MELK: variants seen among roughly 807,000 people sequenced by gnomAD.
MELK encodes the protein pEg3 kinase.
In MELK, 81 loss-of-function variants were observed where a neutral mutation model predicts 85.0. The observed-to-expected ratio is 0.95, with a 90% CI of 0.80 to 1.15. MELK has a LOEUF of 1.15. MELK is among the 50% of genes most tolerant of loss of function. The probability of loss-of-function intolerance (pLI) is 0.00; values close to 1 mark genes in which losing one functional copy is unlikely to be tolerated. For missense variants in MELK, 754 were observed against 777.5 expected (o/e 0.97, Z 0.36); for synonymous variants, 252 against 265.0 (o/e 0.95, Z 0.48).
At chr9:36,598,586 G>A (rs1442380773) in intron 6 of MELK, among the ~76,000 whole-genome samples, 1 of 152,070 alleles carries the variant, frequency 6.6e-6, no homozygotes, top group Non-Finnish European at 1.5e-5. Context: ...GGAAGCTAAG[G>A]GAGTGATTTA....
chr9:36,598,360 G>C (rs1006971819), intron 6 of MELK, among the ~76,000 whole-genome samples: 2 of 152,164 alleles, frequency 1.3e-5, no homozygotes, highest in African/African-American at 4.8e-5. Context: ...TAAGGAAAGT[G>C]GGGTTGCCTG....
rs775226736 is a variant in MELK, at chr9:36,643,042, C to T, written c.880C>T (p.His294Tyr). ...DDCVTELSVHHRNNRQTMEDL... is the reference protein window; with the variant it reads ...DDCVTELSVHYRNNRQTMEDL... ...TTGCGTAACAGAACTTTCTGTACAT[C>T]ACAGAAACAACAGGCAAACAATGGA... Residue 294 changes from histidine to tyrosine, a missense_variant, in exon 11 of 18, where the codon CAC (histidine) becomes TAC (tyrosine). By Grantham distance (83) the His-to-Tyr change is moderately conservative. Coordinates refer to ENST00000298048, the MANE Select transcript of MELK (RefSeq NM_014791.4). 9.3e-6 allele frequency: 15 copies of T among 1,612,724 alleles called. 1 individual carries two copies. In the South Asian group the frequency reaches 1.7e-4, roughly 18 times the overall value.
chr9:36,584,227 A>G (rs1822590145), intron 3 of MELK, among the ~76,000 whole-genome samples: 3 of 150,592 alleles, frequency 2.0e-5, no homozygotes, highest in South Asian at 4.2e-4. Flanking sequence ...GGATGGTCTC[A>G]ATCTCCTGAC....
chr9:36,573,991 TG>T (rs1307810323), intron 1 of MELK, among the ~76,000 whole-genome samples: 4 of 152,084 alleles, frequency 2.6e-5, no homozygotes, highest in East Asian at 3.9e-4. Context: ...CCTTTGTTAG[TG>T]GAATGAGGTG....
At chr9:36,676,432 TGAA>T in intron 17 of MELK, among the ~76,000 whole-genome samples, 1 of 152,312 alleles carries the variant, frequency 6.6e-6, no homozygotes, top group East Asian at 1.9e-4. Flanking sequence ...TATTATTACA[TGAA>T]TTAAATTTAT....
intron 11 of MELK, 77 bp from the exon 12 acceptor site, chr9:36,651,667 GAA>G: frequency 6.6e-7 from 1 of 1,523,674 alleles, no homozygotes; most frequent in South Asian, 1.3e-5. Context: ...TTACACTGAA[GAA>G]AAAAATTAAT....
At chr9:36,643,426 A>G (rs1305317058) in intron 11 of MELK, among the ~76,000 whole-genome samples, 2 of 152,116 alleles carry the variant, frequency 1.3e-5, no homozygotes, top group African/African-American at 4.8e-5. Flanking sequence ...ATTTGAGAGT[A>G]GTATCTTTTG....
chr9:36,669,005 T>C (rs1307645818), intron 14 of MELK, among the ~76,000 whole-genome samples: 3 of 152,124 alleles, frequency 2.0e-5, no homozygotes, highest in Admixed American at 6.5e-5. Flanking sequence ...AATTATGAGA[T>C]TTGTATTTAT....
rs543835795 is a variant in MELK at position 36,573,918 on chromosome 9, G to A, written c.-39+911G>A. ...AGCTGGAAAGGGTAGACTCAGGGAA[G>A]GCTGCCCAAGAGAGGAATCAGGTCC... On this transcript the variant is annotated intron_variant, in intron 1 of 17. Transcript: ENST00000298048. Among the ~76,000 whole-genome samples the A allele has an allele frequency of 3.9e-5, 6 of 152,246 alleles. No individual in the cohort carries two copies. In the East Asian group the frequency reaches 9.7e-4, roughly 25 times the overall value.
chr9:36,637,093 A>C (rs913872829), intron 10 of MELK, among the ~76,000 whole-genome samples: 3 of 151,074 alleles, frequency 2.0e-5, no homozygotes, highest in African/African-American at 7.4e-5. Flanking sequence ...CGGCCTCCCA[A>C]AGTGCTGGGA....
rs12005944 is a variant in MELK, at chr9:36,631,615, G to A, written c.735+1248G>A. Among the ~76,000 whole-genome samples, 777 of 151,840 alleles carry A rather than the reference G, an allele frequency of 5.1e-3. 6 individuals carry two copies. Among genetic ancestry groups the A allele is most frequent in the African/African-American group, 0.017 (707 of 41,384 alleles). ...TTTATAGACAGGGTTTTACTCTGTCGCCCAGGCTGGAGTGCAGTCATATGA... is the reference window on the plus strand; with the variant it reads ...TTTATAGACAGGGTTTTACTCTGTCACCCAGGCTGGAGTGCAGTCATATGA... On this transcript the variant is annotated intron_variant, in intron 9 of 17. Coordinates refer to ENST00000298048, the MANE Select transcript of MELK (RefSeq NM_014791.4).
intron 3 of MELK, among the ~76,000 whole-genome samples, chr9:36,587,578 G>A (rs1823053091): frequency 6.6e-6 from 1 of 150,522 alleles, no homozygotes; most frequent in African/African-American, 2.4e-5. Context: ...GCCTCCCAAA[G>A]TGCTGGGATT....
At position 36,606,385 on chromosome 9, in the gene MELK, ATAATATATACATATGTATAGGTGTGTG is replaced by A. The variant is rs1362344075; in HGVS notation, c.568-1187_568-1161del. Among the ~76,000 whole-genome samples the A allele has an allele frequency of 2.7e-4, 33 of 123,232 alleles. 1 individual carries two copies. Among genetic ancestry groups the A allele is most frequent in the African/African-American group, 2.0e-4 (5 of 25,542 alleles). 80.8% of individuals were successfully genotyped at this position (123,232 alleles called of 152,430 possible). A position where few individuals can be genotyped will look rare whatever the true frequency, so the allele number is the denominator to read the frequency against. On this transcript the variant is annotated intron_variant, in intron 7 of 17. Transcript: ENST00000298048. ...TATATACATATGTATAGGTGTGTATATAATATATACATATGTATAGGTGTGTGTATATATATACATATGTATAGGTGT... is the reference window on the plus strand; with the variant it reads ...TATATACATATGTATAGGTGTGTATATATATATATACATATGTATAGGTGT...
intron 12 of MELK, among the ~76,000 whole-genome samples, chr9:36,652,984 C>A (rs1029447765): frequency 2.6e-5 from 4 of 151,756 alleles, no homozygotes; most frequent in African/African-American, 9.7e-5. Context: ...TGACATGAAA[C>A]ATTTTGATAA....
chr9:36,597,346 T>C, intron 6 of MELK, 56 bp downstream of exon 6: 1 of 1,460,828 alleles, frequency 6.8e-7, no homozygotes, highest in Non-Finnish European at 9.5e-7. Context: ...TATTTCTTAG[T>C]GTGTGATTTT....
intron 11 of MELK, among the ~76,000 whole-genome samples, chr9:36,650,172 T>C (rs1830577684): frequency 6.6e-6 from 1 of 151,878 alleles, no homozygotes; most frequent in South Asian, 2.1e-4. Flanking sequence ...CTCGATCTCC[T>C]GACCTCGTGA....
rs751324243 is a variant in MELK, at chr9:36,589,614, G to A, written c.223G>A (p.Val75Met). 3 of 1,613,748 alleles carry A rather than the reference G, an allele frequency of 1.9e-6. No homozygotes were observed. In the Admixed American group the frequency reaches 5.0e-5, roughly 27 times the overall value. The change falls in exon 4 of 18, where the codon GTG becomes ATG. Residue 75 changes from valine (V) to methionine (M), a missense_variant. By Grantham distance (21) the Val-to-Met change is conservative. Transcript: ENST00000298048. The part of the protein sequence containing the change: ...RHQHICQLYH[V>M]LETANKIFMV... ...TCAGCATATATGTCAACTCTACCATGTGCTAGAGACAGCCAACAAAATATT... is the reference window on the plus strand; with the variant it reads ...TCAGCATATATGTCAACTCTACCATATGCTAGAGACAGCCAACAAAATATT...
chr9:36,579,872 C>T (rs2134895647), intron 1 of MELK, among the ~76,000 whole-genome samples: 1 of 152,172 alleles, frequency 6.6e-6, no homozygotes, highest in South Asian at 2.1e-4. Flanking sequence ...ATTTTTTTTA[C>T]AACTAATTTT....
At chr9:36,618,078 A>C (rs1457255496) in intron 8 of MELK, among the ~76,000 whole-genome samples, 1 of 151,458 alleles carries the variant, frequency 6.6e-6, no homozygotes, top group East Asian at 2.0e-4. Flanking sequence ...GCAGTGAGCT[A>C]TGATTGCACC....
Sources: allele counts gnomAD v4.1 joint callset (sites outside exome capture counted in the v4.1 genomes callset), GRCh38; gene constraint gnomAD v4.1.1; transcripts MANE v1.5; gene names NCBI Gene and HGNC (gene_info 2026-07-23, HGNC 2026-07-21).